Variants in SLC67A1 observed in about 807,000 individuals in gnomAD.
SLC67A1 encodes the protein solute carrier family 67 member 1.
chr11:2,909,707 A>T, the SLC67A1 span: 3 of 1,528,098 alleles, frequency 2.0e-6, no homozygotes, highest in African/African-American at 1.4e-5. Context: ...GTCTCCGCGT[A>T]CGGGTGAGTG....
chr11:2,915,423 C>T, the SLC67A1 span, among the ~76,000 whole-genome samples: 3 of 152,180 alleles, frequency 2.0e-5, no homozygotes, highest in Admixed American at 6.5e-5. Context: ...CTGACCCCTA[C>T]TGGGTGCCTG....
the SLC67A1 span, chr11:2,903,605 C>T: frequency 8.4e-7 from 1 of 1,195,120 alleles, no homozygotes; most frequent in Non-Finnish European, 1.2e-6. Flanking sequence ...TGCCAGGGCC[C>T]CTCCCAGTTG....
the SLC67A1 span, among the ~76,000 whole-genome samples, chr11:2,911,070 G>A: frequency 7.9e-4 from 121 of 152,248 alleles, 1 homozygote; most frequent in Non-Finnish European, 4.0e-4. Context: ...TGCCTCTACC[G>A]CTGGTGGCCA....
the SLC67A1 span, among the ~76,000 whole-genome samples, chr11:2,912,631 C>T: frequency 2.6e-5 from 4 of 152,122 alleles, no homozygotes; most frequent in African/African-American, 9.7e-5. Context: ...CCACAGGCTG[C>T]GGGGGCGGGC....
chr11:2,901,023 G>A, the SLC67A1 span, among the ~76,000 whole-genome samples: 2 of 152,192 alleles, frequency 1.3e-5, no homozygotes, highest in African/African-American at 4.8e-5. Context: ...TAGGTTTGAT[G>A]TCTGGCTGTG....
At chr11:2,924,985 C>A in the SLC67A1 span, 1 of 1,585,022 alleles carries the variant, frequency 6.3e-7, no homozygotes, top group Non-Finnish European at 8.6e-7. This position sits in a 1 kb window ranked among gnomAD's most constrained non-coding sequence, Gnocchi z 8.6. Context: ...TGCCCAGGGC[C>A]TGACTACCCC....
chr11:2,909,159 G>C, the SLC67A1 span: 3 of 1,453,046 alleles, frequency 2.1e-6, no homozygotes, highest in African/African-American at 2.9e-5. Context: ...GACACTGACC[G>C]CCTCCGTGAG....
the SLC67A1 span, chr11:2,922,394 C>G: frequency 3.8e-6 from 6 of 1,598,436 alleles, no homozygotes; most frequent in Non-Finnish European, 4.3e-6. Context: ...AGCCTGGTCC[C>G]GTGAGGCCCC....
At chr11:2,905,091 C>T in the SLC67A1 span, among the ~76,000 whole-genome samples, 5 of 152,206 alleles carry the variant, frequency 3.3e-5, no homozygotes, top group Admixed American at 6.5e-5. Flanking sequence ...CAGTTGGGGA[C>T]GGGTTGAGTT....
the SLC67A1 span, chr11:2,909,232 G>C: frequency 6.5e-7 from 1 of 1,539,302 alleles, no homozygotes; most frequent in South Asian, 1.2e-5. Context: ...CGGCGCTCAC[G>C]CTCTCCTTCC....
chr11:2,918,314 G>A, the SLC67A1 span, among the ~76,000 whole-genome samples: 1 of 152,248 alleles, frequency 6.6e-6, no homozygotes, highest in South Asian at 2.1e-4. Context: ...ACGGGCAGAG[G>A]GCCTGGCTCG....
chr11:2,914,065 G>C, the SLC67A1 span, among the ~76,000 whole-genome samples: 11 of 152,318 alleles, frequency 7.2e-5, no homozygotes, highest in South Asian at 6.2e-4. Context: ...TGCATATAAG[G>C]AAATGAGGTC....
the SLC67A1 span, chr11:2,909,069 G>A: frequency 3.5e-6 from 3 of 851,010 alleles, no homozygotes; most frequent in Non-Finnish European, 5.1e-6. Context: ...CCGCCCAGGC[G>A]CCCCCGCCCT....
At chr11:2,917,946 G>T in the SLC67A1 span, 2 of 1,523,872 alleles carry the variant, frequency 1.3e-6, no homozygotes, top group South Asian at 1.2e-5. Context: ...GTGGGCATTG[G>T]GACAATGGCC....
chr11:2,915,313 T>G, the SLC67A1 span: 1 of 871,620 alleles, frequency 1.1e-6, no homozygotes, highest in Non-Finnish European at 1.4e-6. Flanking sequence ...GTGGCTGCGG[T>G]GAAGAGGGGC....
the SLC67A1 span, among the ~76,000 whole-genome samples, chr11:2,911,735 C>T: frequency 1.3e-5 from 2 of 152,178 alleles, no homozygotes; most frequent in Non-Finnish European, 2.9e-5. Context: ...GGCAGTAAGC[C>T]GTGGCCATGG....
the SLC67A1 span, among the ~76,000 whole-genome samples, chr11:2,901,717 C>T: frequency 3.9e-5 from 6 of 152,136 alleles, no homozygotes; most frequent in African/African-American, 1.4e-4. Flanking sequence ...AAAGTGGGCT[C>T]TCAACTGCTC....
At chr11:2,900,966 G>A in the SLC67A1 span, among the ~76,000 whole-genome samples, 2 of 152,144 alleles carry the variant, frequency 1.3e-5, no homozygotes, top group African/African-American at 2.4e-5. Context: ...ATAATTTATG[G>A]CCAGCTTCTA....
chr11:2,909,331 C>T, the SLC67A1 span: 4 of 1,530,658 alleles, frequency 2.6e-6, no homozygotes, highest in South Asian at 1.2e-5. Flanking sequence ...CGCGCCTGCC[C>T]GGAGCGCTCA....
Sources: allele counts gnomAD v4.1 joint callset (sites outside exome capture counted in the v4.1 genomes callset), GRCh38; gene constraint gnomAD v4.1.1; non-coding constraint Gnocchi (gnomAD v3.1); transcripts MANE v1.5; gene names NCBI Gene and HGNC (gene_info 2026-07-23, HGNC 2026-07-21).